SH2B1: variants seen among roughly 807,000 people sequenced by gnomAD.
The protein encoded by SH2B1 is SH2B adaptor protein 1.
A neutral mutation model predicts 62.6 loss-of-function variants in SH2B1; 15 were observed. That is an observed-to-expected ratio of 0.24 (90% CI 0.16 to 0.37). SH2B1 has a LOEUF of 0.37. Ranked by LOEUF, SH2B1 falls within the 10% of genes least tolerant of loss-of-function variation. The pLI is 1.00. For missense variants in SH2B1, 925 were observed against 1,015.6 expected (o/e 0.91, Z 1.21); for synonymous variants, 443 against 438.0 (o/e 1.01, Z -0.14).
chr16:28,853,523 T>TA (rs1962255454), intron 1 of SH2B1, among the ~76,000 whole-genome samples: 1 of 61,526 alleles, frequency 1.6e-5, no homozygotes. Flanking sequence ...CCACTTTTTC[T>TA]TTTTTTTTTT....
chr16:28,859,526 G>A (rs779345421), upstream of SH2B1, among the ~76,000 whole-genome samples: 4 of 151,984 alleles, frequency 2.6e-5, no homozygotes, highest in Non-Finnish European at 5.9e-5. Context: ...TGCTACTTAC[G>A]AGATGACAAC....
chr16:28,863,469 C>T (rs558048934), upstream of SH2B1: 42 of 533,646 alleles, frequency 7.9e-5, no homozygotes, highest in Non-Finnish European at 1.3e-4. Context: ...TAGGCTGCAG[C>T]GGGCCGTTCA....
Position 28,864,264 on chromosome 16 carries a change from C to A in SH2B1, c.-1831C>A, listed in dbSNP as rs1002110680. 2 of 1,004,088 alleles carry A rather than the reference C, an allele frequency of 2.0e-6. No homozygotes were observed. The highest frequency in any genetic ancestry group is 2.4e-6 in the Non-Finnish European group (2 of 841,250). The allele number at this position is 1,004,088 out of a possible 1,614,324, so 62.2% of individuals were successfully genotyped here. A position where few individuals can be genotyped will look rare whatever the true frequency, so the allele number is the denominator to read the frequency against. ...GAAATATCAGAACTGAGCCAGGAGG[C>A]AGGTGCACCGGGAAAATGTGTCTGA... On this transcript the variant is annotated 5_prime_UTR_variant, in exon 1 of 8. Transcript: ENST00000684370.
chr16:28,868,229 TC>T (rs1962836227), intron 2 of SH2B1, among the ~76,000 whole-genome samples: 1 of 152,020 alleles, frequency 6.6e-6, no homozygotes, highest in African/African-American at 2.4e-5. Flanking sequence ...AAGCTCCACC[TC>T]CCGGGTTCAT....
At chr16:28,860,207 C>T (rs1962411913), upstream of SH2B1, among the ~76,000 whole-genome samples, 1 of 151,822 alleles carries the variant, frequency 6.6e-6, no homozygotes, top group Admixed American at 6.6e-5. Context: ...TTCAGCCAAA[C>T]TGTGTAGAAC....
At chr16:28,847,969 G>C (rs138698775) in intron 1 of SH2B1, among the ~76,000 whole-genome samples, 1 of 151,754 alleles carries the variant, frequency 6.6e-6, no homozygotes, top group African/African-American at 2.4e-5. Context: ...GGGACTACAG[G>C]CATGTGCCAC....
chr16:28,856,907 G>A (rs977411050), intron 1 of SH2B1, among the ~76,000 whole-genome samples: 5 of 152,126 alleles, frequency 3.3e-5, no homozygotes, highest in Admixed American at 6.6e-5. Context: ...CAGGGCTCCC[G>A]TCATACCCAT....
chr16:28,852,930 A>T (rs1459580987), intron 1 of SH2B1, among the ~76,000 whole-genome samples: 1 of 47,972 alleles, frequency 2.1e-5, no homozygotes, highest in Non-Finnish European at 4.2e-5. Context: ...ATATATTTTT[A>T]TATATATGTA....
At chr16:28,849,324 G>A (rs940105017) in intron 1 of SH2B1, among the ~76,000 whole-genome samples, 10 of 151,850 alleles carry the variant, frequency 6.6e-5, no homozygotes, top group Non-Finnish European at 2.9e-5. Context: ...TCCCAATACC[G>A]GGGCCCAAGC....
At position 28,872,737 on chromosome 16, in the gene SH2B1, G is replaced by A. The variant is rs758574186; in HGVS notation, c.1897+32G>A. On this transcript the variant is annotated intron_variant, in intron 7 of 7. Coordinates refer to ENST00000684370, the MANE Select transcript of SH2B1 (RefSeq NM_001387430.1). This position sits in a 1 kb window ranked among gnomAD's most constrained non-coding sequence, Gnocchi z 5.3. ...AGAGCAGGTCTGCAGGGGAGGAGGTGCCCGTGCACCCAAGAAGTGAGGTGT... is the reference window on the plus strand; with the variant it reads ...AGAGCAGGTCTGCAGGGGAGGAGGTACCCGTGCACCCAAGAAGTGAGGTGT... The A allele has an allele frequency of 1.2e-6, 2 of 1,612,716 alleles. No individual in the cohort carries two copies. The highest frequency in any genetic ancestry group is 1.7e-6 in the Non-Finnish European group (2 of 1,179,212).
upstream of SH2B1, among the ~76,000 whole-genome samples, chr16:28,861,137 CTTT>C (rs1216798696): frequency 1.5e-5 from 2 of 137,098 alleles, no homozygotes; most frequent in African/African-American, 5.5e-5. Context: ...ATGCCCAGCA[CTTT>C]TTTGTTTTTT....
chr16:28,860,636 A>G (rs1962422637), upstream of SH2B1, among the ~76,000 whole-genome samples: 1 of 152,088 alleles, frequency 6.6e-6, no homozygotes, highest in South Asian at 2.1e-4. Flanking sequence ...GCAGTCTCTT[A>G]GTTATCAATG....
At chr16:28,855,600 C>T (rs1015806716) in intron 1 of SH2B1, among the ~76,000 whole-genome samples, 2 of 151,476 alleles carry the variant, frequency 1.3e-5, no homozygotes, top group Non-Finnish European at 2.9e-5. Flanking sequence ...TGTTTTCTTC[C>T]CATCTCACCA....
chr16:28,851,546 G>A (rs1451926801), intron 1 of SH2B1, among the ~76,000 whole-genome samples: 2 of 136,778 alleles, frequency 1.5e-5, no homozygotes, highest in Non-Finnish European at 1.6e-5. Context: ...TGTAACCTCC[G>A]CCTCCCGGGT....
At position 28,864,392 on chromosome 16, in the gene SH2B1, G is replaced by T. The variant is rs1423670599; in HGVS notation, c.-1703G>T. ...GTCTGCGGTGCGGAGGATTGGGTGG[G>T]CCTGTGTGAGCCGAGGTGGCCGCTG... is the stretch of plus-strand genomic sequence containing the variant. On this transcript the variant is annotated 5_prime_UTR_variant, in exon 1 of 8. Transcript: ENST00000684370. 4.0e-6 allele frequency: 4 copies of T among 987,704 alleles called. No homozygotes were observed. The highest frequency in any genetic ancestry group is 4.8e-6 in the Non-Finnish European group (4 of 831,252). The allele number at this position is 987,704 out of a possible 1,614,324, so 61.2% of individuals were successfully genotyped here. A position where few individuals can be genotyped will look rare whatever the true frequency, so the allele number is the denominator to read the frequency against.
chr16:28,852,480 T>TTA lies in SH2B1; in HGVS notation c.-301+5660_-301+5661dup, dbSNP rs1163498814. 1.9e-3 allele frequency among the ~76,000 whole-genome samples: 129 copies of TTA among 67,014 alleles called. 48 individuals carry two copies. Among genetic ancestry groups the TTA allele is most frequent in the Non-Finnish European group, 1.6e-3 (66 of 40,872 alleles). The allele number at this position is 67,014 out of a possible 152,430, so 44.0% of individuals were successfully genotyped here. A position where few individuals can be genotyped will look rare whatever the true frequency, so the allele number is the denominator to read the frequency against. Reference sequence around the variant, plus strand: ...TATATTTATATATATACATATATATTTATATATACATACATATATTTATAT... The same window carrying TTA: ...TATATTTATATATATACATATATATTTATATATATACATACATATATTTATAT... On this transcript the variant is annotated intron_variant, in intron 1 of 10. Transcript: ENST00000322610.
rs1177156624 is a variant in SH2B1, at chr16:28,852,467, T to TAC, written c.-301+5641_-301+5642insCA. On this transcript the variant is annotated intron_variant, in intron 1 of 10. Coordinates refer to the SH2B1 transcript ENST00000322610. The stretch of plus-strand genomic sequence containing the variant: ...ATATATTTACATATATATTTATATA[T>TAC]ATACATATATATTTATATATACATA... Among the ~76,000 whole-genome samples, 11 of 42,678 alleles carry TAC rather than the reference T, an allele frequency of 2.6e-4. 3 individuals carry two copies. Among genetic ancestry groups the TAC allele is most frequent in the African/African-American group, 1.5e-3 (11 of 7,150 alleles). 28.0% of individuals were successfully genotyped at this position (42,678 alleles called of 152,430 possible). A position where few individuals can be genotyped will look rare whatever the true frequency, so the allele number is the denominator to read the frequency against.
chr16:28,863,628 A>AT (rs1270781307), upstream of SH2B1: 4 of 1,501,400 alleles, frequency 2.7e-6, no homozygotes, highest in Non-Finnish European at 3.6e-6. Flanking sequence ...CTCTGGTGGG[A>AT]TCCAAGCACT....
chr16:28,872,039 A>T lies in SH2B1; in HGVS notation c.1513+56A>T. ...GGCCTGGGTGCCTACCTTCCTGACC[A>T]CCTCTCCTGGGATCCCGAGGGAGCT... is the stretch of plus-strand genomic sequence containing the variant. On this transcript the variant is annotated intron_variant, in intron 5 of 7. Coordinates refer to ENST00000684370, the MANE Select transcript of SH2B1 (RefSeq NM_001387430.1). The surrounding 1 kb of genome is among the most constrained non-coding windows in gnomAD (Gnocchi z 5.3). 7.5e-7 allele frequency: 1 copy of T among 1,330,458 alleles called. No homozygotes were observed. Among genetic ancestry groups the T allele is most frequent in the Non-Finnish European group, 1.1e-6 (1 of 925,068 alleles). 82.4% of individuals were successfully genotyped at this position (1,330,458 alleles called of 1,614,324 possible).
Sources: allele counts gnomAD v4.1 joint callset (sites outside exome capture counted in the v4.1 genomes callset), GRCh38; gene constraint gnomAD v4.1.1; non-coding constraint Gnocchi (gnomAD v3.1); transcripts MANE v1.5; gene names NCBI Gene and HGNC (gene_info 2026-07-23, HGNC 2026-07-21).